The following NOX4 variants were observed in gnomAD, a reference collection of about 807,000 sequenced individuals.
The protein encoded by NOX4 is kidney oxidase-1.
In NOX4, 69 loss-of-function variants were observed where a neutral mutation model predicts 87.6. That is an observed-to-expected ratio of 0.79 (90% confidence interval 0.65 to 0.96). The LOEUF is 0.96. Among genes scored for constraint, NOX4 ranks in the 40% least tolerant of loss-of-function variants. The pLI is 0.00. For synonymous variants in NOX4, 275 were observed against 238.2 expected (o/e 1.15, Z -1.42); for missense variants, 680 against 681.5 (o/e 1.00, Z 0.02).
At chr11:89,411,293 A>C (rs1942465657) in intron 8 of NOX4, among the ~76,000 whole-genome samples, 1 of 152,138 alleles carries the variant, frequency 6.6e-6, no homozygotes, top group South Asian at 2.1e-4. Context: ...GTGACCCAGC[A>C]AATTCCCAAC....
At chr11:89,503,823 C>G in the NOX4 span, among the ~76,000 whole-genome samples, 1 of 147,892 alleles carries the variant, frequency 6.8e-6, no homozygotes, top group South Asian at 2.2e-4. Context: ...AAATCTCATG[C>G]AACATATATT....
At chr11:89,406,352 T>G (rs1231651185) in intron 8 of NOX4, among the ~76,000 whole-genome samples, 3 of 152,122 alleles carry the variant, frequency 2.0e-5, no homozygotes, top group African/African-American at 7.2e-5. Context: ...TTTAAATTCC[T>G]GGTACCTTTA....
At chr11:89,554,483 G>C in the NOX4 span, among the ~76,000 whole-genome samples, 44 of 152,062 alleles carry the variant, frequency 2.9e-4, no homozygotes, top group African/African-American at 1.0e-3. Flanking sequence ...GATATTCTGA[G>C]ATCTTTTATT....
At chr11:89,490,891 G>A in intron 1 of NOX4, 1 of 701,098 alleles carries the variant, frequency 1.4e-6, no homozygotes, top group South Asian at 1.5e-5. Context: ...AGAACAAAGG[G>A]AGCAAAAATG....
chr11:89,348,973 AT>A (rs1946333225), intron 13 of NOX4, among the ~76,000 whole-genome samples: 1 of 152,156 alleles, frequency 6.6e-6, no homozygotes, highest in Non-Finnish European at 1.5e-5. Context: ...TGTAGTGCTC[AT>A]TATGTGTTAC....
chr11:89,477,674 A>G (rs1469293961), intron 2 of NOX4, among the ~76,000 whole-genome samples: 1 of 152,176 alleles, frequency 6.6e-6, no homozygotes, highest in Non-Finnish European at 1.5e-5. Flanking sequence ...TGATATCAAA[A>G]AAGTTTTTAA....
chr11:89,472,429 T>G (rs1457393036), intron 2 of NOX4, among the ~76,000 whole-genome samples: 1 of 152,180 alleles, frequency 6.6e-6, no homozygotes, highest in Non-Finnish European at 1.5e-5. Context: ...GGTGTAATTT[T>G]TTTTTCATAA....
At chr11:89,479,948 T>C (rs112157431) in intron 2 of NOX4, among the ~76,000 whole-genome samples, 126 of 152,198 alleles carry the variant, frequency 8.3e-4, no homozygotes, top group African/African-American at 3.0e-3. Context: ...GGTTCCAGGA[T>C]CCCCACATAT....
At chr11:89,355,555 A>C in intron 12 of NOX4, among the ~76,000 whole-genome samples, 1 of 152,032 alleles carries the variant, frequency 6.6e-6, no homozygotes, top group East Asian at 1.9e-4. Flanking sequence ...AGAGATGCAC[A>C]GTCTCTTTAG....
intron 2 of NOX4, among the ~76,000 whole-genome samples, chr11:89,482,388 C>G (rs1946426898): frequency 6.6e-6 from 1 of 152,040 alleles, no homozygotes; most frequent in Admixed American, 6.6e-5. Flanking sequence ...TATATTTGGA[C>G]ACAATCTTTA....
At chr11:89,465,492 T>C (rs966817611) in intron 2 of NOX4, among the ~76,000 whole-genome samples, 103 of 152,358 alleles carry the variant, frequency 6.8e-4, no homozygotes, top group African/African-American at 2.4e-3. Flanking sequence ...TTTGGGTATA[T>C]GCCTAGTAAT....
intron 8 of NOX4, among the ~76,000 whole-genome samples, 166 bp from the exon 9 acceptor site, chr11:89,402,708 T>C (rs1490607958): frequency 6.6e-6 from 1 of 152,122 alleles, no homozygotes. Context: ...AATTGAAAAA[T>C]CTTAAAAAAT....
chr11:89,338,004 T>C (rs369987858), intron 15 of NOX4, among the ~76,000 whole-genome samples: 1 of 151,990 alleles, frequency 6.6e-6, no homozygotes, highest in Non-Finnish European at 1.5e-5. Context: ...TGGGCTCTGG[T>C]TTCTCTTGTA....
chr11:89,570,940 T>C, the NOX4 span, among the ~76,000 whole-genome samples: 2 of 152,226 alleles, frequency 1.3e-5, no homozygotes, highest in African/African-American at 4.8e-5. Flanking sequence ...TCCAAAACCA[T>C]AGATTAGGTT....
the NOX4 span, among the ~76,000 whole-genome samples, chr11:89,561,702 G>A: frequency 2.0e-5 from 3 of 152,152 alleles, no homozygotes; most frequent in South Asian, 2.1e-4. Flanking sequence ...TGTTGGTGCC[G>A]GGGACATACA....
the NOX4 span, among the ~76,000 whole-genome samples, chr11:89,521,347 GAC>G: frequency 6.6e-6 from 1 of 151,944 alleles, no homozygotes; most frequent in African/African-American, 2.4e-5. Context: ...TAAACCACTG[GAC>G]CGGAATAGAG....
At chr11:89,343,319 C>G (rs1323292519) in intron 13 of NOX4, among the ~76,000 whole-genome samples, 1 of 152,152 alleles carries the variant, frequency 6.6e-6, no homozygotes, top group Non-Finnish European at 1.5e-5. Context: ...TTAACGGTAT[C>G]AATGAGTGCC....
the NOX4 span, among the ~76,000 whole-genome samples, chr11:89,519,990 A>G: frequency 6.6e-6 from 1 of 151,988 alleles, no homozygotes; most frequent in South Asian, 2.1e-4. Flanking sequence ...GTACCCTACC[A>G]TTTCTATGTT....
At chr11:89,352,025 A>C (rs1946477850) in intron 13 of NOX4, among the ~76,000 whole-genome samples, 3 of 152,230 alleles carry the variant, frequency 2.0e-5, no homozygotes, top group Admixed American at 6.5e-5. Flanking sequence ...TAAATACTTC[A>C]TGTTCTCACT....
Sources: gnomAD v4.1 joint callset for allele counts (sites outside exome capture counted in the v4.1 genomes callset) on GRCh38, gnomAD v4.1.1 for gene constraint, MANE v1.5 for transcripts, NCBI Gene and HGNC (gene_info 2026-07-23, HGNC 2026-07-21) for gene names.